Variants in BRI3 observed in about 807,000 individuals in gnomAD.
BRI3 encodes brain protein I3.
Under a neutral mutation model 12.8 loss-of-function variants are expected in BRI3, and 6 were observed. The observed-to-expected ratio is 0.47, with a 90% CI of 0.26 to 0.93. The LOEUF is 0.93. Ranked by LOEUF, BRI3 falls within the 40% of genes least tolerant of loss-of-function variation. The pLI is 0.15. For synonymous variants in BRI3, 91 were observed against 76.1 expected, an observed-to-expected ratio of 1.20 and a Z score of -1.02; for missense variants, 134 against 171.1, an observed-to-expected ratio of 0.78 and a Z score of 1.21.
upstream of BRI3, chr7:98,304,254 G>A (rs896193988): frequency 3.1e-6 from 5 of 1,613,480 alleles, no homozygotes; most frequent in East Asian, 2.2e-5. Context: ...CGTCCTGGCC[G>A]AATCTGCTCT....
chr7:98,303,215 C>T (rs1398006937), upstream of BRI3, among the ~76,000 whole-genome samples: 2 of 152,200 alleles, frequency 1.3e-5, no homozygotes, highest in Non-Finnish European at 2.9e-5. Flanking sequence ...GGGGCAGGCA[C>T]ATCTTAGAAG....
chr7:98,291,864 A>G (rs1373654858), downstream of BRI3: 1 of 152,984 alleles, frequency 6.5e-6, no homozygotes, highest in Admixed American at 6.5e-5. Flanking sequence ...GCAGAACGCC[A>G]AAGGCCAGGT....
exon 2 of BRI3, chr7:98,308,593 C>T (rs778465476): frequency 2.1e-4 from 60 of 286,152 alleles, no homozygotes; most frequent in Non-Finnish European, 3.7e-4. Flanking sequence ...CCCATGAGCA[C>T]GAGGCTGTGC....
At position 98,282,369 on chromosome 7, in the gene BRI3, C is replaced by G. The variant is rs777793895; in HGVS notation, c.161C>G (p.Pro54Arg). The change falls in exon 2 of 3, where the codon CCC (proline) becomes CGC (arginine). Residue 54 changes from proline (P) to arginine (R), a missense_variant. Pro to Arg is a moderately radical substitution (Grantham distance 103). Coordinates refer to ENST00000297290, the MANE Select transcript of BRI3 (RefSeq NM_015379.5). ...YLVTGIPTHHPRVYNIHSRTV... is the reference protein window; with the variant it reads ...YLVTGIPTHHRRVYNIHSRTV... ...CCCACAGGGATACCCACCCACCATC[C>G]CAGGGTCTACAACATCCACAGCCGG... is the stretch of plus-strand genomic sequence containing the variant. 6.2e-7 allele frequency: 1 copy of G among 1,614,098 alleles called. No individual in the cohort carries two copies. The highest frequency in any genetic ancestry group is 1.1e-5 in the South Asian group (1 of 91,090).
chr7:98,307,733 C>T, exon 2 of BRI3: 1 of 1,614,254 alleles, frequency 6.2e-7, no homozygotes, highest in South Asian at 1.1e-5. Flanking sequence ...CATCCTTCTC[C>T]TCGGGGATGA....
At chr7:98,316,239 C>T in the BRI3 span, among the ~76,000 whole-genome samples, 4 of 152,032 alleles carry the variant, frequency 2.6e-5, no homozygotes, top group Admixed American at 1.3e-4. Flanking sequence ...GAGGCCTCCC[C>T]GGCCATGTGG....
downstream of BRI3, among the ~76,000 whole-genome samples, chr7:98,296,240 G>A (rs187576405): frequency 1.7e-4 from 26 of 152,358 alleles, no homozygotes; most frequent in Admixed American, 1.3e-3. Flanking sequence ...CGTGGGGGCC[G>A]GGAACGTCCT....
upstream of BRI3, among the ~76,000 whole-genome samples, chr7:98,305,047 G>GTTTTTTTTTTTTT (rs59633894): frequency 1.0e-5 from 1 of 100,380 alleles, no homozygotes; most frequent in African/African-American, 4.3e-5. Flanking sequence ...TTTGTTTTTT[G>GTTTTTTTTTTTTT]TTTTTTTTTT....
chr7:98,319,567 G>A, the BRI3 span, among the ~76,000 whole-genome samples: 2 of 134,210 alleles, frequency 1.5e-5, no homozygotes, highest in Non-Finnish European at 3.2e-5. Flanking sequence ...TTTTTTTTGA[G>A]ATGGAGTCTT....
rs1799751606 is a variant in BRI3, at chr7:98,287,582, C to A, written c.246-3529C>A. ...TGGCGCTGCTGGAAATCCTAGCACT[C>A]AGGTGGGCCGGCGCCCTGGCCCGTG... On this transcript the variant is annotated intron_variant, in intron 2 of 2. Transcript: ENST00000297290. 2.0e-5 allele frequency among the ~76,000 whole-genome samples: 3 copies of A among 152,184 alleles called. No homozygotes were observed. In the South Asian group the frequency reaches 6.2e-4, roughly 31 times the overall value.
chr7:98,294,463 G>T (rs997401580), downstream of BRI3, among the ~76,000 whole-genome samples: 36 of 152,226 alleles, frequency 2.4e-4, no homozygotes, highest in Non-Finnish European at 1.0e-4. Context: ...GTCAGAGCGT[G>T]AACAGAGCAT....
upstream of BRI3, chr7:98,304,350 G>A (rs1428614897): frequency 6.2e-7 from 1 of 1,613,654 alleles, no homozygotes; most frequent in Non-Finnish European, 8.5e-7. Flanking sequence ...CAAGTTCACG[G>A]TGCTGATGCT....
rs149893566 is a variant in BRI3, at chr7:98,282,663, G to T, written c.245+210G>T. Reference sequence around the variant, plus strand: ...CCCTTGGCTCTGAACACATTTTGTGGGGGCAAAAGGGTGGATTCCTTTTCC... The same window carrying T: ...CCCTTGGCTCTGAACACATTTTGTGTGGGCAAAAGGGTGGATTCCTTTTCC... On this transcript the variant is annotated intron_variant, in intron 2 of 2. Coordinates refer to ENST00000297290, the MANE Select transcript of BRI3 (RefSeq NM_015379.5). 948 of 544,868 alleles carry T rather than the reference G, an allele frequency of 1.7e-3. 4 individuals are homozygous for T. The highest frequency in any genetic ancestry group is 0.015 in the African/African-American group (799 of 52,506). 33.8% of individuals were successfully genotyped at this position (544,868 alleles called of 1,614,324 possible). A position where few individuals can be genotyped will look rare whatever the true frequency, so the allele number is the denominator to read the frequency against.
At chr7:98,286,292 C>G (rs1799708648) in intron 2 of BRI3, among the ~76,000 whole-genome samples, 1 of 152,204 alleles carries the variant, frequency 6.6e-6, no homozygotes, top group South Asian at 2.1e-4. Flanking sequence ...GGCGGGAGCC[C>G]CGCGGCCTCT....
At chr7:98,310,411 G>C in exon 2 of BRI3, 1 of 1,557,652 alleles carries the variant, frequency 6.4e-7, no homozygotes, top group Non-Finnish European at 8.7e-7. Context: ...AAATGTAAAA[G>C]GTATCTTCAA....
chr7:98,292,511 C>G, downstream of BRI3: 1 of 916,892 alleles, frequency 1.1e-6, no homozygotes, highest in East Asian at 2.7e-5. Flanking sequence ...GGTCCAGATC[C>G]TTGGCAGCCA....
At chr7:98,310,481 C>T, downstream of BRI3, 1 of 1,603,670 alleles carries the variant, frequency 6.2e-7, no homozygotes, top group Non-Finnish European at 8.5e-7. Flanking sequence ...TTCGGGGCAG[C>T]CGTGGCTGGG....
At chr7:98,294,031 A>G, downstream of BRI3, 1 of 1,604,702 alleles carries the variant, frequency 6.2e-7, no homozygotes, top group Non-Finnish European at 8.5e-7. Flanking sequence ...TACAGGGAAG[A>G]GCAATGTCAC....
At chr7:98,293,488 CGGAGAGGCCCG>C (rs2116769525), downstream of BRI3, 1 of 1,594,072 alleles carries the variant, frequency 6.3e-7, no homozygotes, top group Non-Finnish European at 8.6e-7. Flanking sequence ...AAGGGAGAAC[CGGAGAGGCCCG>C]GGAGAGTCCT....
Sources: allele counts gnomAD v4.1 joint callset (sites outside exome capture counted in the v4.1 genomes callset), GRCh38; gene constraint gnomAD v4.1.1; transcripts MANE v1.5; gene names NCBI Gene and HGNC (gene_info 2026-07-23, HGNC 2026-07-21).